Variants in ARCN1 observed in about 807,000 individuals in gnomAD.
ARCN1 encodes the protein coatomer subunit delta.
Under a neutral mutation model 60.4 loss-of-function variants are expected in ARCN1, and 5 were observed. The ratio of observed to expected loss-of-function variants is 0.08; its 90% confidence interval spans 0.04 to 0.17. The LOEUF is 0.17. ARCN1 is among the 10% of genes least tolerant of loss of function. The probability of loss-of-function intolerance (pLI) is 1.00; values close to 1 mark genes in which losing one functional copy is unlikely to be tolerated. For missense variants in ARCN1, 464 were observed against 626.5 expected, an observed-to-expected ratio of 0.74 and a Z score of 2.77; for synonymous variants, 224 against 220.0, an observed-to-expected ratio of 1.02 and a Z score of -0.16.
At chr11:118,583,781 C>CT in intron 3 of ARCN1, 28 bp from the exon 4 acceptor site, 2 of 1,593,178 alleles carry the variant, frequency 1.3e-6, no homozygotes, top group Non-Finnish European at 1.7e-6. Context: ...AAAAAAAAAG[C>CT]TACATTAATG....
chr11:118,596,094 T>G (rs552911732), intron 8 of ARCN1, among the ~76,000 whole-genome samples: 64 of 152,258 alleles, frequency 4.2e-4, no homozygotes, highest in African/African-American at 1.5e-3. Context: ...CTAATTTAAT[T>G]CATAGTTTTC....
At chr11:118,600,233 G>T (rs1423475489) in intron 9 of ARCN1, among the ~76,000 whole-genome samples, 1 of 152,218 alleles carries the variant, frequency 6.6e-6, no homozygotes, top group African/African-American at 2.4e-5. Flanking sequence ...GAGACTTTGA[G>T]AGCAGAGCAA....
In ARCN1 at chr11:118,592,780, A is replaced by C. The variant is rs1555076527; in HGVS notation, c.1056A>C (p.Ser352=). ...TTGGCCTGAAGAATCCAGAGAAGTC[A>C]TTTCCAGTCAACAGTGACGTAGGGG... ...SLIGLKNPEK[S]FPVNSDVGVL... is the part of the protein sequence containing the mutation. Residue 352 remains serine (S), a synonymous_variant, in exon 7 of 10, where the codon TCA becomes TCC. Transcript: ENST00000264028. 1 of 1,614,096 alleles carries C rather than the reference A, an allele frequency of 6.2e-7. No homozygotes were observed. Among genetic ancestry groups the C allele is most frequent in the Non-Finnish European group, 8.5e-7 (1 of 1,179,964 alleles).
intron 2 of ARCN1, among the ~76,000 whole-genome samples, chr11:118,582,739 A>G (rs1428952736): frequency 6.8e-6 from 1 of 146,878 alleles, no homozygotes; most frequent in Non-Finnish European, 1.5e-5. Context: ...AAAAAAAAAA[A>G]AAAAAAAATC....
chr11:118,584,792 T>A, intron 5 of ARCN1, 148 bp downstream of exon 5: 2 of 767,012 alleles, frequency 2.6e-6, no homozygotes, highest in South Asian at 2.9e-5. Flanking sequence ...TTCTACATAT[T>A]AACATAAGAT....
rs376378749 is a variant in ARCN1 at position 118,581,519 on chromosome 11, C to T, written c.267+10C>T. The stretch of plus-strand genomic sequence containing the variant: ...GCTCTTCTCAAGAGTGGTAAGAGTA[C>T]TGCTATAATACTGGGTTCCACTTTT... On this transcript the variant is annotated intron_variant, in intron 2 of 9. Transcript: ENST00000264028. The T allele has an allele frequency of 1.2e-6, 2 of 1,600,890 alleles. No individual in the cohort carries two copies. Among genetic ancestry groups the T allele is most frequent in the Non-Finnish European group, 1.7e-6 (2 of 1,173,278 alleles).
At position 118,601,227 on chromosome 11, in the gene ARCN1, A is replaced by T; in HGVS notation, c.*513A>T. On this transcript the variant is annotated 3_prime_UTR_variant, in exon 10 of 10. Transcript: ENST00000264028. ...CAGGTGCACGCCACCACGCCTGGCT[A>T]ATTTTTTGTATTTTAGTAGAGACGG... 6.8e-6 allele frequency: 2 copies of T among 292,660 alleles called. No homozygotes were observed. The highest frequency in any genetic ancestry group is 5.8e-5 in the South Asian group (2 of 34,634). 18.1% of individuals were successfully genotyped at this position (292,660 alleles called of 1,614,324 possible). A position where few individuals can be genotyped will look rare whatever the true frequency, so the allele number is the denominator to read the frequency against.
At chr11:118,584,710 T>C (rs1460739174) in intron 5 of ARCN1, 66 bp downstream of exon 5, 2 of 1,339,646 alleles carry the variant, frequency 1.5e-6, no homozygotes, top group Non-Finnish European at 2.0e-6. Flanking sequence ...TTAAAAATCT[T>C]ATTTCAGTGT....
At chr11:118,591,535 G>T (rs527383239) in intron 6 of ARCN1, among the ~76,000 whole-genome samples, 1 of 152,038 alleles carries the variant, frequency 6.6e-6, no homozygotes, top group Non-Finnish European at 1.5e-5. Context: ...GGGATTACAG[G>T]CACCTGCCAC....
chr11:118,572,599 C>G, intron 1 of ARCN1, 49 bp downstream of exon 1: 1 of 1,592,300 alleles, frequency 6.3e-7, no homozygotes, highest in Non-Finnish European at 8.5e-7. Flanking sequence ...GCCTCACCGT[C>G]TCTCCTTGTC....
chr11:118,589,145 G>A (rs564966885), intron 5 of ARCN1, among the ~76,000 whole-genome samples: 1 of 152,224 alleles, frequency 6.6e-6, no homozygotes, highest in Admixed American at 6.5e-5. Context: ...GTATTTAGGG[G>A]TAAAGTGCCG....
intron 5 of ARCN1, among the ~76,000 whole-genome samples, chr11:118,587,869 C>T (rs1938812270): frequency 3.3e-5 from 5 of 152,200 alleles, no homozygotes; most frequent in Admixed American, 1.3e-4. Context: ...TCTGCTAGAG[C>T]ACCTCACAGA....
intron 8 of ARCN1, among the ~76,000 whole-genome samples, chr11:118,595,658 C>G (rs1939009534): frequency 6.6e-6 from 1 of 152,166 alleles, no homozygotes; most frequent in Non-Finnish European, 1.5e-5. Context: ...AATCCTAGCT[C>G]CTTTCACCTA....
chr11:118,581,933 GACAGACACACAC>G (rs1347806386), intron 2 of ARCN1, among the ~76,000 whole-genome samples: 2 of 132,146 alleles, frequency 1.5e-5, no homozygotes, highest in African/African-American at 6.2e-5. Context: ...CAGACAGACA[GACAGACACACAC>G]ACACACACAC....
At chr11:118,591,930 TA>T (rs1555076382) in intron 6 of ARCN1, among the ~76,000 whole-genome samples, 1 of 151,770 alleles carries the variant, frequency 6.6e-6, no homozygotes, top group African/African-American at 2.4e-5. Context: ...ATTTATTTTT[TA>T]TTTTTTGAGA....
At chr11:118,589,231 G>C (rs1201212049) in intron 5 of ARCN1, among the ~76,000 whole-genome samples, 4 of 152,106 alleles carry the variant, frequency 2.6e-5, no homozygotes, top group Admixed American at 6.6e-5. Flanking sequence ...AATGTTTAGA[G>C]AGAGAGAAAC....
rs781888214 is a variant in ARCN1 at position 118,592,670 on chromosome 11, A to C, written c.985-39A>C. 8 of 1,587,226 alleles carry C rather than the reference A, an allele frequency of 5.0e-6. No individual in the cohort carries two copies. In the South Asian group the frequency reaches 7.9e-5, roughly 16 times the overall value. ...CCTAGTGAGGGGTTGTTTCTCGTCT[A>C]TCTGAACCTCAGGAGTTTTCCTTTC... On this transcript the variant is annotated intron_variant, in intron 6 of 9. Coordinates refer to ENST00000264028, the MANE Select transcript of ARCN1 (RefSeq NM_001655.5).
intron 1 of ARCN1, among the ~76,000 whole-genome samples, chr11:118,580,032 G>A (rs537408979): frequency 1.3e-5 from 2 of 152,206 alleles, no homozygotes; most frequent in African/African-American, 4.8e-5. Context: ...ACATGAAATT[G>A]TGAGTTCTGG....
intron 8 of ARCN1, among the ~76,000 whole-genome samples, chr11:118,597,038 C>T (rs1939041785): frequency 1.3e-5 from 2 of 152,192 alleles, no homozygotes; most frequent in Admixed American, 1.3e-4. Flanking sequence ...GAAACCCCGC[C>T]TCTACTAAAA....
Sources: gnomAD v4.1 joint callset for allele counts (sites outside exome capture counted in the v4.1 genomes callset) on GRCh38, gnomAD v4.1.1 for gene constraint, MANE v1.5 for transcripts, NCBI Gene and HGNC (gene_info 2026-07-23, HGNC 2026-07-21) for gene names.